DIAPH3: variants seen among roughly 807,000 people sequenced by gnomAD.
DIAPH3 encodes the protein diaphanous related formin 3.
DIAPH3 carries 117 observed loss-of-function variants against 144.3 expected under a neutral mutation model. The observed-to-expected ratio is 0.81, with a 90% CI of 0.70 to 0.95. The LOEUF is 0.95. Among genes scored for constraint, DIAPH3 ranks in the 40% least tolerant of loss-of-function variants. DIAPH3 has a pLI of 0.00. For synonymous variants in DIAPH3, 519 were observed against 488.9 expected (o/e 1.06, Z -0.81); for missense variants, 1,421 against 1,412.7 (o/e 1.01, Z -0.09).
intron 17 of DIAPH3, among the ~76,000 whole-genome samples, chr13:59,926,495 T>G (rs1182200188): frequency 6.6e-6 from 1 of 152,222 alleles, no homozygotes; most frequent in Non-Finnish European, 1.5e-5. Flanking sequence ...CTAAAGGTTT[T>G]GGTATATTTT....
At chr13:59,900,584 G>A (rs550797914) in intron 20 of DIAPH3, among the ~76,000 whole-genome samples, 34 of 152,312 alleles carry the variant, frequency 2.2e-4, no homozygotes, top group Non-Finnish European at 4.1e-4. Flanking sequence ...CCTTGCTGAT[G>A]ATGTGCCCCT....
chr13:60,064,103 C>A (rs1443360035), intron 4 of DIAPH3, among the ~76,000 whole-genome samples: 2 of 152,146 alleles, frequency 1.3e-5, no homozygotes, highest in African/African-American at 4.8e-5. Flanking sequence ...GCACTGCCAT[C>A]CAGCATTTGT....
At chr13:59,796,017 C>T (rs1339407081) in intron 25 of DIAPH3, among the ~76,000 whole-genome samples, 1 of 151,924 alleles carries the variant, frequency 6.6e-6, no homozygotes, top group Non-Finnish European at 1.5e-5. Flanking sequence ...GTAAAAAGTC[C>T]AAGGAGAAAA....
intron 27 of DIAPH3, among the ~76,000 whole-genome samples, chr13:59,772,105 T>A (rs1308658405): frequency 6.6e-6 from 1 of 152,014 alleles, no homozygotes; most frequent in Non-Finnish European, 1.5e-5. Flanking sequence ...CATAGTTCAG[T>A]CGTAGGGTTA....
At chr13:60,034,702 G>C (rs1304635976) in intron 5 of DIAPH3, 1 of 152,212 alleles carries the variant, frequency 6.6e-6, no homozygotes, top group Non-Finnish European at 1.5e-5. Flanking sequence ...GGACTCAAGA[G>C]ATCCTCCTGC....
At chr13:60,031,379 T>A (rs575486195) in intron 5 of DIAPH3, among the ~76,000 whole-genome samples, 1 of 152,144 alleles carries the variant, frequency 6.6e-6, no homozygotes, top group African/African-American at 2.4e-5. Context: ...CAATTCACCA[T>A]GAGATTTGGG....
chr13:59,682,574 A>G (rs2033000628), intron 27 of DIAPH3, among the ~76,000 whole-genome samples: 1 of 152,260 alleles, frequency 6.6e-6, no homozygotes. Flanking sequence ...CTATTAGGAA[A>G]TAGTGCAGTT....
intron 20 of DIAPH3, among the ~76,000 whole-genome samples, chr13:59,904,040 A>G (rs1002509553): frequency 6.6e-6 from 1 of 152,238 alleles, no homozygotes; most frequent in Non-Finnish European, 1.5e-5. Flanking sequence ...CAAAGAGGAA[A>G]GATACTGAAT....
chr13:59,757,526 G>T (rs1157454261), intron 27 of DIAPH3, among the ~76,000 whole-genome samples: 1 of 148,812 alleles, frequency 6.7e-6, no homozygotes, highest in African/African-American at 2.5e-5. Context: ...TCAGCCTCCC[G>T]AGTAGCTGGG....
intron 23 of DIAPH3, chr13:59,837,973 G>A (rs1392876886): frequency 2.0e-5 from 3 of 152,046 alleles, no homozygotes; most frequent in Non-Finnish European, 4.4e-5. Context: ...CAATTAAGCT[G>A]AAAGCATATA....
At chr13:60,086,918 T>A (rs2057764509) in intron 4 of DIAPH3, among the ~76,000 whole-genome samples, 1 of 152,114 alleles carries the variant, frequency 6.6e-6, no homozygotes, top group Non-Finnish European at 1.5e-5. Context: ...CCCCTTGGTA[T>A]CCATGGGAGA....
intron 27 of DIAPH3, among the ~76,000 whole-genome samples, chr13:59,684,443 G>T (rs1409755640): frequency 6.6e-6 from 1 of 152,238 alleles, no homozygotes; most frequent in East Asian, 1.9e-4. Flanking sequence ...AATTGCAAAG[G>T]TTTCTTCTTG....
chr13:59,971,204 C>G, intron 15 of DIAPH3, 44 bp from the exon 16 acceptor site: 1 of 1,528,034 alleles, frequency 6.5e-7, no homozygotes, highest in African/African-American at 1.4e-5. Context: ...AACATATCTA[C>G]AAAACATGTA....
intron 20 of DIAPH3, among the ~76,000 whole-genome samples, chr13:59,897,705 G>A (rs2046194096): frequency 2.7e-5 from 4 of 150,326 alleles, no homozygotes; most frequent in South Asian, 2.1e-4. Context: ...CCAAGATCAC[G>A]CCATTGCACT....
chr13:59,992,339 A>T, intron 10 of DIAPH3, 134 bp downstream of exon 10: 1 of 1,030,892 alleles, frequency 9.7e-7, no homozygotes, highest in East Asian at 2.6e-5. Context: ...TATCATCTAT[A>T]TTTCAAAAAT....
At chr13:60,155,074 G>A (rs1047804773) in intron 1 of DIAPH3, among the ~76,000 whole-genome samples, 6 of 152,164 alleles carry the variant, frequency 3.9e-5, no homozygotes, top group African/African-American at 1.4e-4. Context: ...CCATAAAGTA[G>A]AGTTAATTCA....
At chr13:59,726,457 T>C (rs1178845567) in intron 27 of DIAPH3, among the ~76,000 whole-genome samples, 1 of 152,216 alleles carries the variant, frequency 6.6e-6, no homozygotes, top group Non-Finnish European at 1.5e-5. Flanking sequence ...CCTGCTCTTA[T>C]CTGACTTTCC....
chr13:60,010,727 C>T (rs946610016), intron 7 of DIAPH3, 58 bp from the exon 8 acceptor site: 1 of 1,540,030 alleles, frequency 6.5e-7, no homozygotes, highest in Non-Finnish European at 8.9e-7. Context: ...AAAATAATAC[C>T]CTGAAGGAAA....
chr13:59,965,872 G>A (rs1042323435), intron 17 of DIAPH3, among the ~76,000 whole-genome samples: 2 of 152,070 alleles, frequency 1.3e-5, no homozygotes, highest in African/African-American at 4.8e-5. Flanking sequence ...CATGCAATAT[G>A]CACCCAATAA....
Sources: allele counts gnomAD v4.1 joint callset (sites outside exome capture counted in the v4.1 genomes callset), GRCh38; gene constraint gnomAD v4.1.1; transcripts MANE v1.5; gene names NCBI Gene and HGNC (gene_info 2026-07-23, HGNC 2026-07-21).